Variants in RPS6KA2 observed in about 807,000 individuals in gnomAD.
RPS6KA2 encodes the protein ribosomal protein S6 kinase alpha-2.
In RPS6KA2, 42 loss-of-function variants were observed where a neutral mutation model predicts 91.8. The observed-to-expected ratio is 0.46, with a 90% CI of 0.36 to 0.59. The LOEUF (loss-of-function observed/expected upper bound fraction) is 0.59, where lower values mean the gene tolerates loss of function less well. RPS6KA2 is among the 20% of genes least tolerant of loss of function. RPS6KA2 has a pLI of 0.00. For synonymous variants in RPS6KA2, 414 were observed against 393.6 expected (o/e 1.05, Z -0.61); for missense variants, 798 against 978.5 (o/e 0.82, Z 2.46).
Position 166,653,673 on chromosome 6 carries a change from A to G in RPS6KA2, c.124-114889T>C, listed in dbSNP as rs1480509298. Among the ~76,000 whole-genome samples the G allele has an allele frequency of 2.6e-5, 4 of 152,334 alleles. No homozygotes were observed. The East Asian group carries it at 7.7e-4, about 29-fold the overall frequency. ...CTGTGACTCCTGGTTTATCTCATAA[A>G]CTAAATGGATGGAAAAGAGAAAGGA... On this transcript the variant is annotated intron_variant, in intron 2 of 21. Transcript: ENST00000503859.
rs559383640 is a variant in RPS6KA2 at position 166,557,150 on chromosome 6, T to C, written c.100-18366A>G. On this transcript the variant is annotated intron_variant, in intron 1 of 20. Transcript: ENST00000265678. The surrounding 1 kb of genome is among the most constrained non-coding windows in gnomAD (Gnocchi z 4.8). ...GAACAAGAGGGCACAAAGTAGAACATGCCCTCCCCCTCTCTGCTAAGTTCC... is the reference window on the plus strand; with the variant it reads ...GAACAAGAGGGCACAAAGTAGAACACGCCCTCCCCCTCTCTGCTAAGTTCC... Among the ~76,000 whole-genome samples the C allele has an allele frequency of 2.6e-5, 4 of 152,362 alleles. No homozygotes were observed. Among genetic ancestry groups the C allele is most frequent in the African/African-American group, 9.6e-5 (4 of 41,586 alleles).
intron 1 of RPS6KA2, among the ~76,000 whole-genome samples, chr6:166,553,903 G>A (rs924681510): frequency 6.6e-6 from 1 of 152,130 alleles, no homozygotes; most frequent in Non-Finnish European, 1.5e-5. Context: ...ATTTGCATCC[G>A]TATTCTTGGA....
chr6:166,488,874 A>G lies in RPS6KA2; in HGVS notation c.866T>C (p.Leu289Ser), dbSNP rs2128473248. ...PQFLSGEAQS[L>S]LRALFKRNPC... ...GTTCCGTTTGAAGAGAGCTCGCAGC[A>G]AACTCTGTGCCTCCCCACTGAGGAA... Residue 289 changes from leucine (L) to serine (S), a missense_variant, in exon 10 of 21, where the codon TTG becomes TCG. Leu to Ser is a moderately radical substitution (Grantham distance 145). Transcript: ENST00000265678. 1.9e-6 allele frequency: 3 copies of G among 1,613,870 alleles called. No homozygotes were observed. Among genetic ancestry groups the G allele is most frequent in the African/African-American group, 1.3e-5 (1 of 75,044 alleles).
chr6:166,786,491 C>T (rs1479198239), intron 2 of RPS6KA2, among the ~76,000 whole-genome samples: 1 of 134,320 alleles, frequency 7.4e-6, no homozygotes, highest in Admixed American at 7.2e-5. Context: ...ATCACGGATG[C>T]AAAAAAAAAA....
intron 14 of RPS6KA2, among the ~76,000 whole-genome samples, chr6:166,436,608 T>C (rs969152230): frequency 6.6e-6 from 1 of 152,204 alleles, no homozygotes; most frequent in Non-Finnish European, 1.5e-5. Context: ...GTGGTGTCTG[T>C]CTCGCACTAG....
chr6:166,781,539 G>A (rs1419798940), intron 2 of RPS6KA2, among the ~76,000 whole-genome samples: 2 of 152,068 alleles, frequency 1.3e-5, no homozygotes, highest in African/African-American at 4.8e-5. Flanking sequence ...TTCACCTGGT[G>A]GGGCTGACCC....
At chr6:166,660,649 G>A (rs1254479497) in intron 2 of RPS6KA2, among the ~76,000 whole-genome samples, 1 of 152,132 alleles carries the variant, frequency 6.6e-6, no homozygotes, top group Non-Finnish European at 1.5e-5. Context: ...GTATTTCAAA[G>A]AATCATTTGG....
At chr6:166,714,534 G>C (rs1051486695) in intron 2 of RPS6KA2, among the ~76,000 whole-genome samples, 3 of 152,236 alleles carry the variant, frequency 2.0e-5, no homozygotes, top group Non-Finnish European at 4.4e-5. Flanking sequence ...AGGTCACTGG[G>C]GTGAGCCCTA....
In RPS6KA2 at chr6:166,862,086, G is replaced by T. The variant is rs371101040; in HGVS notation, c.63+22C>A. The T allele has an allele frequency of 9.3e-6, 15 of 1,614,070 alleles. No individual in the cohort carries two copies. The African/African-American group carries it at 2.0e-4, about 22-fold the overall frequency. On this transcript the variant is annotated intron_variant, in intron 1 of 21. Coordinates refer to the RPS6KA2 transcript ENST00000503859. Reference sequence around the variant, plus strand: ...CGGATTCTTGAGGATGCTGTGAAAAGTGCGTTCTCTCCTGCACTCACCTCT... The same window carrying T: ...CGGATTCTTGAGGATGCTGTGAAAATTGCGTTCTCTCCTGCACTCACCTCT...
chr6:166,420,336 A>G (rs957044191), intron 17 of RPS6KA2, among the ~76,000 whole-genome samples: 1 of 152,192 alleles, frequency 6.6e-6, no homozygotes, highest in African/African-American at 2.4e-5. Context: ...TGGTGCCAAC[A>G]TCACCACCAT....
At position 166,666,907 on chromosome 6, in the gene RPS6KA2, T is replaced by C. The variant is rs1268381431; in HGVS notation, c.124-128123A>G. 1.3e-5 allele frequency among the ~76,000 whole-genome samples: 2 copies of C among 152,096 alleles called. No individual in the cohort carries two copies. The highest frequency in any genetic ancestry group is 4.1e-4 in the South Asian group (2 of 4,822). On this transcript the variant is annotated intron_variant, in intron 2 of 21. Transcript: ENST00000503859. This position sits in a 1 kb window ranked among gnomAD's most constrained non-coding sequence, Gnocchi z 4.0. ...TGGATGGATGGGTAGCAGAGTGCGG[T>C]GTAGGCACACAATGGAAGGAAATGA...
chr6:166,685,307 G>C lies in RPS6KA2; in HGVS notation c.124-146523C>G, dbSNP rs554417024. Among the ~76,000 whole-genome samples, 80 of 152,110 alleles carry C rather than the reference G, an allele frequency of 5.3e-4. No homozygotes were observed. The South Asian group carries it at 0.015, about 29-fold the overall frequency. On this transcript the variant is annotated intron_variant, in intron 2 of 21. Transcript: ENST00000503859. ...TGTGGGGTGTGTGTGCAGGCTGGAA[G>C]GACAGAGGCCGAGGAAAGCTCAGGC...
At chr6:166,436,233 C>T (rs1460367955) in intron 14 of RPS6KA2, among the ~76,000 whole-genome samples, 1 of 151,908 alleles carries the variant, frequency 6.6e-6, no homozygotes, top group Non-Finnish European at 1.5e-5. Context: ...CTGTCTGAAT[C>T]CTCACTGCGA....
Position 166,549,209 on chromosome 6 carries a change from T to C in RPS6KA2, c.100-10425A>G, listed in dbSNP as rs539895029. ...GAGGATGCAGAGAAACTGGACCTTG[T>C]ACGTTGCTGGTGTAAATATAAAATG... On this transcript the variant is annotated intron_variant, in intron 1 of 20. Transcript: ENST00000265678. 7.0e-4 allele frequency among the ~76,000 whole-genome samples: 106 copies of C among 152,360 alleles called. 2 individuals are homozygous for C. The highest frequency in any genetic ancestry group is 2.1e-4 in the Non-Finnish European group (14 of 68,032).
intron 2 of RPS6KA2, among the ~76,000 whole-genome samples, chr6:166,704,878 C>T (rs1056909383): frequency 6.6e-6 from 1 of 152,192 alleles, no homozygotes; most frequent in Non-Finnish European, 1.5e-5. Context: ...TGTACTGCAG[C>T]ATATTCCATT....
chr6:166,570,486 A>T (rs7760282), intron 1 of RPS6KA2, among the ~76,000 whole-genome samples: 324 of 152,196 alleles, frequency 2.1e-3, no homozygotes, highest in African/African-American at 7.5e-3. Context: ...TTAGGATATA[A>T]GAAATTGCCA....
intron 2 of RPS6KA2, among the ~76,000 whole-genome samples, chr6:166,710,669 C>G: frequency 6.6e-6 from 1 of 152,250 alleles, no homozygotes; most frequent in South Asian, 2.1e-4. Flanking sequence ...ATGTATTTCC[C>G]TATTCTTCCC....
At position 166,469,833 on chromosome 6, in the gene RPS6KA2, C is replaced by T; in HGVS notation, c.972+8G>A. 6.2e-7 allele frequency: 1 copy of T among 1,613,420 alleles called. No individual in the cohort carries two copies. Among genetic ancestry groups the T allele is most frequent in the Non-Finnish European group, 8.5e-7 (1 of 1,179,316 alleles). On this transcript the variant is annotated splice_region_variant and intron_variant, in intron 11 of 20. Transcript: ENST00000265678. Reference sequence around the variant, plus strand: ...GTGTGCAGGTGGGGACTGTGGCATGCAACTTACGTTCCAGTCTATGGTCAC... The same window carrying T: ...GTGTGCAGGTGGGGACTGTGGCATGTAACTTACGTTCCAGTCTATGGTCAC...
intron 1 of RPS6KA2, among the ~76,000 whole-genome samples, chr6:166,571,203 C>T (rs144652156): frequency 1.8e-4 from 28 of 152,262 alleles, no homozygotes; most frequent in Middle Eastern, 6.8e-3. Context: ...TAAGGGATAC[C>T]GGGGAAACTG....
Sources: gnomAD v4.1 joint callset for allele counts (sites outside exome capture counted in the v4.1 genomes callset) on GRCh38, gnomAD v4.1.1 for gene constraint, Gnocchi (gnomAD v3.1) non-coding constraint, MANE v1.5 for transcripts, NCBI Gene and HGNC (gene_info 2026-07-23, HGNC 2026-07-21) for gene names.